The following PPP1R1C variants were observed in gnomAD, a reference collection of about 807,000 sequenced individuals.
PPP1R1C encodes protein phosphatase 1 regulatory subunit 1C.
In PPP1R1C, 15 loss-of-function variants were observed where a neutral mutation model predicts 17.4. That is an observed-to-expected ratio of 0.86 (90% CI 0.58 to 1.33). The LOEUF is 1.33. Among genes scored for constraint, PPP1R1C ranks in the 40% most tolerant of loss-of-function variants. The pLI is 0.00. For missense variants in PPP1R1C, 143 were observed against 130.0 expected, an observed-to-expected ratio of 1.10 and a Z score of -0.48; for synonymous variants, 35 against 43.1, an observed-to-expected ratio of 0.81 and a Z score of 0.73.
At chr2:182,112,205 T>C (rs1689459620) in intron 4 of PPP1R1C, among the ~76,000 whole-genome samples, 1 of 152,154 alleles carries the variant, frequency 6.6e-6, no homozygotes, top group Non-Finnish European at 1.5e-5. Flanking sequence ...CACATACTGC[T>C]TGATGACTAT....
At chr2:182,015,696 A>G (rs1686244074) in intron 2 of PPP1R1C, among the ~76,000 whole-genome samples, 2 of 151,942 alleles carry the variant, frequency 1.3e-5, no homozygotes, top group African/African-American at 4.8e-5. Context: ...GTATGTCTAG[A>G]AATGTCATCC....
At chr2:182,105,453 A>G (rs927128531) in intron 4 of PPP1R1C, among the ~76,000 whole-genome samples, 3 of 150,602 alleles carry the variant, frequency 2.0e-5, no homozygotes, top group East Asian at 1.9e-4. Context: ...TTTTATCACA[A>G]TTGTAGGTTT....
intron 2 of PPP1R1C, among the ~76,000 whole-genome samples, chr2:182,060,702 T>C (rs1452686292): frequency 6.6e-6 from 1 of 152,144 alleles, no homozygotes; most frequent in African/African-American, 2.4e-5. Flanking sequence ...AGTTTTTGGA[T>C]CATGGGGTTA....
rs1684780218 is a variant in PPP1R1C, at chr2:181,961,337, G to A, written n.111+6703G>A. ...TTGAAGTCATCATCATCAAGCAGGC[G>A]GTGGTAGGTGGCGCTCTCAGCCTCC... On this transcript the variant is annotated intron_variant and non_coding_transcript_variant, in intron 1 of 5. Coordinates refer to the PPP1R1C transcript ENST00000464264. The surrounding 1 kb of genome is among the most constrained non-coding windows in gnomAD (Gnocchi z 5.8). 6 of 719,612 alleles carry A rather than the reference G, an allele frequency of 8.3e-6. No individual in the cohort carries two copies. Among genetic ancestry groups the A allele is most frequent in the South Asian group, 7.2e-5 (5 of 69,266 alleles). 44.6% of individuals were successfully genotyped at this position (719,612 alleles called of 1,614,324 possible).
At chr2:182,009,979 CTG>C (rs1209560529) in intron 2 of PPP1R1C, among the ~76,000 whole-genome samples, 1 of 151,906 alleles carries the variant, frequency 6.6e-6, no homozygotes, top group Non-Finnish European at 1.5e-5. Context: ...TTCCATTGGT[CTG>C]TGTGTCTGTT....
intron 2 of PPP1R1C, among the ~76,000 whole-genome samples, chr2:182,003,687 A>ATGTGTGTGTGTG (rs113337793): frequency 2.0e-5 from 3 of 149,506 alleles, no homozygotes; most frequent in African/African-American, 7.4e-5. Context: ...TTTTTGCTGG[A>ATGTGTGTGTGTG]TGTGTGTGTG....
chr2:182,128,824 G>A (rs552678448), intron 5 of PPP1R1C: 19 of 152,056 alleles, frequency 1.2e-4, no homozygotes, highest in Admixed American at 4.6e-4. Flanking sequence ...ATCACTAATT[G>A]GATAATTGAC....
chr2:182,055,537 G>A (rs569454709), intron 2 of PPP1R1C, among the ~76,000 whole-genome samples: 27 of 152,260 alleles, frequency 1.8e-4, no homozygotes, highest in Non-Finnish European at 2.9e-4. Flanking sequence ...ATCTGCTAGT[G>A]AGGGTATATC....
intron 1 of PPP1R1C, among the ~76,000 whole-genome samples, chr2:181,963,159 G>A (rs1007787850): frequency 2.0e-5 from 3 of 152,088 alleles, no homozygotes; most frequent in Non-Finnish European, 4.4e-5. Context: ...TAACAATTCC[G>A]TTTGATAAAG....
chr2:181,957,642 T>G lies in PPP1R1C; in HGVS notation n.111+3008T>G, dbSNP rs1445125985. On this transcript the variant is annotated intron_variant and non_coding_transcript_variant, in intron 1 of 5. Transcript: ENST00000464264. The surrounding 1 kb of genome is among the most constrained non-coding windows in gnomAD (Gnocchi z 4.2). ...CTGTTTCTGTTTTGAGTATTCTTTA[T>G]TTTCTTCTTATACCCAAATAATCAA... is the stretch of plus-strand genomic sequence containing the variant. Among the ~76,000 whole-genome samples the G allele has an allele frequency of 1.3e-5, 2 of 152,184 alleles. No homozygotes were observed. Among genetic ancestry groups the G allele is most frequent in the Non-Finnish European group, 2.9e-5 (2 of 68,036 alleles).
At chr2:181,999,683 A>G (rs1685705508) in intron 2 of PPP1R1C, among the ~76,000 whole-genome samples, 1 of 151,888 alleles carries the variant, frequency 6.6e-6, no homozygotes, top group South Asian at 2.1e-4. Context: ...TGAAGTGGTA[A>G]TTCTATACTT....
intron 2 of PPP1R1C, among the ~76,000 whole-genome samples, chr2:182,010,216 A>G (rs1686049896): frequency 6.6e-6 from 1 of 151,938 alleles, no homozygotes; most frequent in African/African-American, 2.4e-5. Context: ...TTTGGGTACT[A>G]TGGATATTTT....
chr2:181,986,225 C>T, intron 1 of PPP1R1C, 34 bp downstream of exon 1: 3 of 1,490,690 alleles, frequency 2.0e-6, no homozygotes, highest in South Asian at 1.1e-5. Flanking sequence ...CATTCCTGTA[C>T]ATAAGGTAAT....
Position 182,037,585 on chromosome 2 carries a change from C to CAAA in PPP1R1C, c.143-23845_143-23843dup, listed in dbSNP as rs71008206. 1.4e-3 allele frequency among the ~76,000 whole-genome samples: 169 copies of CAAA among 124,590 alleles called. 1 individual carries two copies. The highest frequency in any genetic ancestry group is 4.9e-3 in the African/African-American group (160 of 32,628). 81.7% of individuals were successfully genotyped at this position (124,590 alleles called of 152,430 possible). On this transcript the variant is annotated intron_variant, in intron 2 of 4. Coordinates refer to ENST00000682840, the MANE Select transcript of PPP1R1C (RefSeq NM_001080545.3). ...CTGGTGACAGAGCAAGAATCCATCT[C>CAAA]AAAAAAAAAAAAAATGTGTAAAACC... is the stretch of plus-strand genomic sequence containing the variant.
chr2:182,115,286 C>CTG (rs1689550755), intron 4 of PPP1R1C, among the ~76,000 whole-genome samples: 1 of 152,144 alleles, frequency 6.6e-6, no homozygotes, highest in Non-Finnish European at 1.5e-5. Flanking sequence ...TTTGGGTCAG[C>CTG]AGCCAAAAAG....
intron 4 of PPP1R1C, among the ~76,000 whole-genome samples, chr2:182,107,800 A>G (rs1689296698): frequency 1.3e-5 from 2 of 152,018 alleles, no homozygotes; most frequent in Admixed American, 6.6e-5. Flanking sequence ...CTTTGAGAAA[A>G]CCAAAGCCAT....
chr2:182,063,791 G>T lies in PPP1R1C; in HGVS notation c.241G>T (p.Gly81Trp), dbSNP rs1409326917. 6.2e-7 allele frequency: 1 copy of T among 1,611,984 alleles called. No individual in the cohort carries two copies. The highest frequency in any genetic ancestry group is 1.1e-5 in the South Asian group (1 of 91,044). ...QSVYTPPTIK[G>W]VKHLKGQNES... ...TGTGTACACACCACCCACCATAAAA[G>T]GTACTGTTCAGGTACTGTTTCGGGT... is the stretch of plus-strand genomic sequence containing the variant. Residue 81 changes from glycine (G) to tryptophan (W), a missense_variant and splice_region_variant, in exon 4 of 5, where the codon GGG becomes TGG. Coordinates refer to ENST00000682840, the MANE Select transcript of PPP1R1C (RefSeq NM_001080545.3).
intron 2 of PPP1R1C, among the ~76,000 whole-genome samples, chr2:182,047,373 A>C (rs1687379130): frequency 6.6e-6 from 1 of 152,228 alleles, no homozygotes; most frequent in Admixed American, 6.5e-5. Flanking sequence ...TTACATCATT[A>C]GTTTTCCAAC....
At chr2:181,985,171 C>G (rs1685266571), upstream of PPP1R1C, among the ~76,000 whole-genome samples, 1 of 152,164 alleles carries the variant, frequency 6.6e-6, no homozygotes, top group Admixed American at 6.5e-5. The surrounding 1 kb of genome is among the most constrained non-coding windows in gnomAD (Gnocchi z 4.1). Context: ...GTCATTGAAG[C>G]AGCAGTGACT....
Sources: allele counts gnomAD v4.1 joint callset (sites outside exome capture counted in the v4.1 genomes callset), GRCh38; gene constraint gnomAD v4.1.1; non-coding constraint Gnocchi (gnomAD v3.1); transcripts MANE v1.5; gene names NCBI Gene and HGNC (gene_info 2026-07-23, HGNC 2026-07-21).